The following SCAF8 variants were observed in gnomAD, a reference collection of about 807,000 sequenced individuals.
SCAF8 encodes the protein SR-related and CTD-associated factor 8.
Under a neutral mutation model 140.5 loss-of-function variants are expected in SCAF8, and 23 were observed. The observed-to-expected ratio is 0.16, with a 90% CI of 0.12 to 0.23. SCAF8 has a LOEUF of 0.23. Ranked by LOEUF, SCAF8 falls within the 10% of genes least tolerant of loss-of-function variation. The pLI is 1.00. For missense variants in SCAF8, 1,397 were observed against 1,555.7 expected, an observed-to-expected ratio of 0.90 and a Z score of 1.72; for synonymous variants, 575 against 528.9, an observed-to-expected ratio of 1.09 and a Z score of -1.20.
intron 1 of SCAF8, among the ~76,000 whole-genome samples, chr6:154,755,411 G>A (rs1441881153): frequency 6.6e-6 from 1 of 152,002 alleles, no homozygotes; most frequent in Non-Finnish European, 1.5e-5. Flanking sequence ...ACACCACCAT[G>A]CCCGGCTAAT....
intron 1 of SCAF8, among the ~76,000 whole-genome samples, chr6:154,744,397 AAAGG>A: frequency 6.6e-6 from 1 of 152,342 alleles, no homozygotes; most frequent in African/African-American, 2.4e-5. Context: ...AAAAGAAAAA[AAAGG>A]AGGTATTAGA....
chr6:154,802,319 T>C (rs1777795467), intron 7 of SCAF8, among the ~76,000 whole-genome samples, 172 bp downstream of exon 7: 1 of 152,042 alleles, frequency 6.6e-6, no homozygotes, highest in East Asian at 1.9e-4. Flanking sequence ...AATTAAGTAA[T>C]TAAAAAAATT....
At chr6:154,783,680 A>G (rs944646544) in intron 3 of SCAF8, among the ~76,000 whole-genome samples, 4 of 152,126 alleles carry the variant, frequency 2.6e-5, no homozygotes, top group Non-Finnish European at 4.4e-5. Context: ...GGTGGTTGAT[A>G]TTTTGCAGTG....
At position 154,792,321 on chromosome 6, in the gene SCAF8, A is replaced by C. The variant is rs555827693; in HGVS notation, c.322-502A>C. ...GGAAGTAATTTGATTAAATTCTTAC[A>C]TGAGGAAATGCCCTCTCCTCAAGTA... On this transcript the variant is annotated intron_variant, in intron 4 of 19. Coordinates refer to ENST00000367178, the MANE Select transcript of SCAF8 (RefSeq NM_014892.5). 2.0e-5 allele frequency among the ~76,000 whole-genome samples: 3 copies of C among 152,360 alleles called. No homozygotes were observed. The South Asian group carries it at 6.2e-4, about 32-fold the overall frequency.
At chr6:154,807,906 G>A (rs920867169) in intron 9 of SCAF8, among the ~76,000 whole-genome samples, 164 bp from the exon 10 acceptor site, 1 of 152,108 alleles carries the variant, frequency 6.6e-6, no homozygotes, top group African/African-American at 2.4e-5. Context: ...TTATACAAAT[G>A]TTTAATTTTG....
At chr6:154,770,691 C>T (rs1163116776) in intron 1 of SCAF8, among the ~76,000 whole-genome samples, 1 of 152,164 alleles carries the variant, frequency 6.6e-6, no homozygotes, top group Non-Finnish European at 1.5e-5. Flanking sequence ...CATGTTTGCA[C>T]TTCTACCAGG....
At chr6:154,772,264 T>C (rs1430763648) in intron 1 of SCAF8, among the ~76,000 whole-genome samples, 1 of 152,212 alleles carries the variant, frequency 6.6e-6, no homozygotes, top group Non-Finnish European at 1.5e-5. Flanking sequence ...ATTAATATCT[T>C]ACAGTGTTAT....
intron 1 of SCAF8, among the ~76,000 whole-genome samples, chr6:154,753,009 T>G (rs1778877105): frequency 6.6e-6 from 1 of 151,324 alleles, no homozygotes; most frequent in Non-Finnish European, 1.5e-5. Context: ...TTGTTTTTGT[T>G]TTGTTTTTTT....
chr6:154,767,893 GA>G (rs1405743064), intron 1 of SCAF8, among the ~76,000 whole-genome samples: 1 of 152,180 alleles, frequency 6.6e-6, no homozygotes, highest in East Asian at 1.9e-4. Context: ...AATGATAAGT[GA>G]TCCTTTGCTG....
chr6:154,793,080 G>A lies in SCAF8; in HGVS notation c.475+104G>A, dbSNP rs146691935. 229 of 755,676 alleles carry A rather than the reference G, an allele frequency of 3.0e-4. 1 individual carries two copies. In the African/African-American group the frequency reaches 3.6e-3, roughly 12 times the overall value. 46.8% of individuals were successfully genotyped at this position (755,676 alleles called of 1,614,324 possible). Reference sequence around the variant, plus strand: ...TCGACAGTGCAGGAAAATTTGTCCAGCATTACATAATTGAAAGAAAATATT... The same window carrying A: ...TCGACAGTGCAGGAAAATTTGTCCAACATTACATAATTGAAAGAAAATATT... On this transcript the variant is annotated intron_variant, in intron 5 of 19. Coordinates refer to ENST00000367178, the MANE Select transcript of SCAF8 (RefSeq NM_014892.5).
At chr6:154,797,796 C>A (rs1777649164) in intron 6 of SCAF8, among the ~76,000 whole-genome samples, 1 of 151,460 alleles carries the variant, frequency 6.6e-6, no homozygotes, top group Admixed American at 6.6e-5. Flanking sequence ...GAGTTATTCT[C>A]AATGTAACCT....
chr6:154,793,553 A>G (rs1777488856), intron 5 of SCAF8, among the ~76,000 whole-genome samples: 1 of 151,796 alleles, frequency 6.6e-6, no homozygotes, highest in African/African-American at 2.4e-5. Flanking sequence ...AGTGACTAAC[A>G]CCTGTAATCC....
chr6:154,735,201 G>A (rs1778382831), intron 1 of SCAF8, among the ~76,000 whole-genome samples: 1 of 151,512 alleles, frequency 6.6e-6, no homozygotes, highest in Non-Finnish European at 1.5e-5. Flanking sequence ...AACTCTTAAA[G>A]TGCCAATACT....
intron 9 of SCAF8, among the ~76,000 whole-genome samples, chr6:154,807,351 C>T (rs1385508650): frequency 6.6e-6 from 1 of 152,092 alleles, no homozygotes; most frequent in East Asian, 1.9e-4. Flanking sequence ...CCTCATTGTT[C>T]AAAAATGAAT....
intron 1 of SCAF8, among the ~76,000 whole-genome samples, chr6:154,740,167 C>T (rs1313918303): frequency 6.6e-6 from 1 of 152,092 alleles, no homozygotes; most frequent in Non-Finnish European, 1.5e-5. Flanking sequence ...GGAAGTCTTT[C>T]ACTAACCCCT....
intron 2 of SCAF8, among the ~76,000 whole-genome samples, chr6:154,777,105 C>T (rs775996844): frequency 6.6e-6 from 1 of 151,970 alleles, no homozygotes; most frequent in African/African-American, 2.4e-5. Flanking sequence ...CGCTTGAACC[C>T]GGGAGGCGAG....
At position 154,808,761 on chromosome 6, in the gene SCAF8, C is replaced by T. The variant is rs769954775; in HGVS notation, c.1189C>T (p.Arg397Cys). ...ACAAGAAGCTAAGAAAGTGGCGGTT[C>T]GCTCAAGATCAAGAACACATTCACG... is the stretch of plus-strand genomic sequence containing the variant. ...FEQEAKKVAV[R>C]SRSRTHSRSR... The change falls in exon 11 of 20, where the codon CGC (arginine) becomes TGC (cysteine). Residue 397 changes from arginine (R) to cysteine (C), a missense_variant. By Grantham distance (180) the Arg-to-Cys change is radical. Around this residue, in one of 5 missense-constraint regions of SCAF8, gnomAD observed 339 missense variants for 407.5 expected, o/e 0.83. Transcript: ENST00000367178. 2.0e-5 allele frequency: 33 copies of T among 1,613,436 alleles called. No individual in the cohort carries two copies. The highest frequency in any genetic ancestry group is 2.7e-5 in the African/African-American group (2 of 74,882).
At chr6:154,801,695 A>G (rs1777775458) in intron 6 of SCAF8, among the ~76,000 whole-genome samples, 1 of 151,530 alleles carries the variant, frequency 6.6e-6, no homozygotes, top group South Asian at 2.1e-4. Flanking sequence ...AATTTAGTGA[A>G]AAAGGTGTCA....
chr6:154,829,105 A>G (rs909128571), intron 18 of SCAF8, among the ~76,000 whole-genome samples: 3 of 152,182 alleles, frequency 2.0e-5, no homozygotes, highest in African/African-American at 7.2e-5. Flanking sequence ...GTTTACCTAT[A>G]TGACAAACCT....
Sources: allele counts gnomAD v4.1 joint callset (sites outside exome capture counted in the v4.1 genomes callset), GRCh38; gene constraint gnomAD v4.1.1; regional missense constraint gnomAD v4.1.1; transcripts MANE v1.5; gene names NCBI Gene and HGNC (gene_info 2026-07-23, HGNC 2026-07-21).